NLRC5: variants seen among roughly 807,000 people sequenced by gnomAD.
NLRC5 encodes the protein protein NLRC5.
In NLRC5, 114 loss-of-function variants were observed where a neutral mutation model predicts 206.9. The ratio of observed to expected loss-of-function variants is 0.55; its 90% CI spans 0.47 to 0.64. The LOEUF is 0.64. NLRC5 is among the 30% of genes least tolerant of loss of function. The pLI, the probability that NLRC5 is intolerant of heterozygous loss-of-function variation, is 0.00. For synonymous variants in NLRC5, 952 were observed against 962.8 expected (o/e 0.99, Z 0.21); for missense variants, 2,008 against 2,305.5 (o/e 0.87, Z 2.64).
At chr16:57,014,460 G>A (rs369320633) in intron 1 of NLRC5, among the ~76,000 whole-genome samples, 29 of 151,992 alleles carry the variant, frequency 1.9e-4, no homozygotes, top group African/African-American at 6.5e-4. Context: ...GCCTTTATTC[G>A]TTTCTTTATA....
At chr16:57,073,840 C>T (rs553193641) in intron 38 of NLRC5, among the ~76,000 whole-genome samples, 2 of 152,298 alleles carry the variant, frequency 1.3e-5, no homozygotes, top group East Asian at 1.9e-4. Context: ...GTGATTCACC[C>T]GCCTTGGCCT....
At chr16:57,025,021 A>G (rs1448858607) in intron 5 of NLRC5, among the ~76,000 whole-genome samples, 1 of 152,188 alleles carries the variant, frequency 6.6e-6, no homozygotes, top group Admixed American at 6.5e-5. Flanking sequence ...GAAAAAAGAA[A>G]AAAAAGAGAT....
intron 1 of NLRC5, among the ~76,000 whole-genome samples, chr16:57,006,413 C>CTTTT (rs58713490): frequency 0.17 from 15,412 of 89,350 alleles, 3,097 homozygotes; most frequent in East Asian, 0.26. Context: ...TCTTCATCCT[C>CTTTT]TTTTTTTTTT....
At chr16:57,002,794 G>T (rs1292230710) in intron 1 of NLRC5, among the ~76,000 whole-genome samples, 1 of 151,752 alleles carries the variant, frequency 6.6e-6, no homozygotes, top group African/African-American at 2.4e-5. Flanking sequence ...GGCATGGGGC[G>T]CCACTACGCC....
intron 29 of NLRC5, 129 bp downstream of exon 29, chr16:57,059,190 T>G: frequency 6.4e-7 from 1 of 1,565,458 alleles, no homozygotes; most frequent in African/African-American, 1.4e-5. Flanking sequence ...AACCTCTGCC[T>G]TTCTCTGAAT....
chr16:57,010,828 C>A, intron 1 of NLRC5, among the ~76,000 whole-genome samples: 1 of 152,056 alleles, frequency 6.6e-6, no homozygotes, highest in Non-Finnish European at 1.5e-5. Flanking sequence ...TACTCATCAT[C>A]TTGTATTTCT....
intron 1 of NLRC5, among the ~76,000 whole-genome samples, chr16:56,991,669 C>T (rs1446749244): frequency 6.9e-6 from 1 of 144,398 alleles, no homozygotes; most frequent in Non-Finnish European, 1.5e-5. Context: ...AGCCATCTTG[C>T]CCGGACTCCT....
intron 23 of NLRC5, among the ~76,000 whole-genome samples, chr16:57,049,356 A>T (rs1174020284): frequency 6.6e-6 from 1 of 152,174 alleles, no homozygotes; most frequent in Non-Finnish European, 1.5e-5. Context: ...TATACCATGC[A>T]CTGGGCCAGA....
intron 1 of NLRC5, among the ~76,000 whole-genome samples, chr16:57,003,329 C>G (rs1597095280): frequency 6.6e-6 from 1 of 152,220 alleles, no homozygotes; most frequent in East Asian, 1.9e-4. Context: ...GGATTACAGG[C>G]TTGAGCCACC....
At chr16:57,015,944 A>AAAAAAAAAAAAAAAAAAAAAG (rs1567531360) in intron 1 of NLRC5, among the ~76,000 whole-genome samples, 1 of 120,190 alleles carries the variant, frequency 8.3e-6, no homozygotes. Flanking sequence ...AAAAAAAAAA[A>AAAAAAAAAAAAAAAAAAAAAG]AAAAGAAAGA....
chr16:57,000,756 G>A (rs1479356972), intron 1 of NLRC5, among the ~76,000 whole-genome samples: 1 of 152,186 alleles, frequency 6.6e-6, no homozygotes, highest in East Asian at 1.9e-4. Context: ...AAATGGATAT[G>A]CCCTATAAGG....
In NLRC5 at chr16:57,061,481, G is replaced by T; in HGVS notation, c.4020G>T (p.Val1340=). Residue 1340 remains valine, a synonymous_variant, in exon 31 of 49, where the codon GTG becomes GTT. Coordinates refer to ENST00000688547, the MANE Select transcript of NLRC5 (RefSeq NM_001384950.1). ...LSECSFRPEH[V]SRLATGLSKS... ...AGTGCAGCTTCCGGCCAGAGCACGT[G>T]TCCAGGCTGGCCACCGGCTTGAGCA... is the stretch of plus-strand genomic sequence containing the variant. The T allele has an allele frequency of 6.2e-7, 1 of 1,611,234 alleles. No individual in the cohort carries two copies.
rs374653175 is a variant in NLRC5, at chr16:57,061,467, C to T, written c.4006C>T (p.Arg1336Trp). 4.5e-5 allele frequency: 73 copies of T among 1,611,276 alleles called. No homozygotes were observed. The highest frequency in any genetic ancestry group is 5.7e-5 in the Non-Finnish European group (67 of 1,180,022). Residue 1336 changes from arginine (R) to tryptophan (W), a missense_variant, in exon 31 of 49, where the codon CGG becomes TGG. Transcript: ENST00000688547. ...CCTCAGGCTAAGTGAGTGCAGCTTC[C>T]GGCCAGAGCACGTGTCCAGGCTGGC... ...KTLRLSECSFRPEHVSRLATG... is the reference protein window; with the variant it reads ...KTLRLSECSFWPEHVSRLATG...
At position 57,031,445 on chromosome 16, in the gene NLRC5, C is replaced by G; in HGVS notation, c.2459C>G (p.Thr820Arg). 1 of 1,613,724 alleles carries G rather than the reference C, an allele frequency of 6.2e-7. No homozygotes were observed. The highest frequency in any genetic ancestry group is 8.5e-7 in the Non-Finnish European group (1 of 1,179,960). ...TTCCTTCTTTCCCCGCCCACAGAGA[C>G]AACTGCAGAGCTACAAAGGTAAGAA... ...LIFLLSPPTE[T>R]TAELQRAPDL... is the part of the protein sequence containing the mutation. The change falls in exon 11 of 49, where the codon ACA becomes AGA. Residue 820 changes from threonine (T) to arginine (R), a missense_variant. Transcript: ENST00000688547.
chr16:57,015,054 G>A (rs2059904531), intron 1 of NLRC5, among the ~76,000 whole-genome samples: 1 of 151,880 alleles, frequency 6.6e-6, no homozygotes, highest in Admixed American at 6.6e-5. Flanking sequence ...TCAGCCTCCT[G>A]AGTAGCTGGG....
chr16:57,051,437 C>G, intron 23 of NLRC5, 101 bp from the exon 24 acceptor site: 1 of 815,246 alleles, frequency 1.2e-6, no homozygotes, highest in African/African-American at 1.7e-5. Context: ...TTTCAGGTGA[C>G]CCTGGTTAGG....
At chr16:57,041,882 C>A (rs1324574600) in intron 18 of NLRC5, 100 bp from the exon 19 acceptor site, 6 of 794,156 alleles carry the variant, frequency 7.6e-6, no homozygotes, top group Non-Finnish European at 1.2e-5. Context: ...AGGGCTGTGT[C>A]CAGTTTCAGG....
At position 57,067,841 on chromosome 16, in the gene NLRC5, G is replaced by A. The variant is rs1567634818; in HGVS notation, c.4499+13G>A. ...TGAAGACATTTCGGTATGTAGACAA[G>A]ACATTCACTCAGTCCCCTTTGCAGC... On this transcript the variant is annotated intron_variant, in intron 36 of 48. Transcript: ENST00000688547. 1 of 1,603,622 alleles carries A rather than the reference G, an allele frequency of 6.2e-7. No homozygotes were observed. The highest frequency in any genetic ancestry group is 1.7e-5 in the Admixed American group (1 of 60,014).
intron 38 of NLRC5, 44 bp from the exon 39 acceptor site, chr16:57,074,556 C>T (rs879080342): frequency 1.3e-6 from 2 of 1,573,080 alleles, no homozygotes; most frequent in Non-Finnish European, 1.7e-6. Context: ...CTGGACAGTG[C>T]CCCACCCCCA....
Sources: gnomAD v4.1 joint callset for allele counts (sites outside exome capture counted in the v4.1 genomes callset) on GRCh38, gnomAD v4.1.1 for gene constraint, MANE v1.5 for transcripts, NCBI Gene and HGNC (gene_info 2026-07-23, HGNC 2026-07-21) for gene names.